Variants in CFAP54 observed in about 807,000 individuals in gnomAD.
CFAP54 encodes the protein cilia- and flagella-associated protein 54.
In CFAP54, 290 loss-of-function variants were observed where a neutral mutation model predicts 370.4. The ratio of observed to expected loss-of-function variants is 0.78; its 90% CI spans 0.71 to 0.86. CFAP54 has a LOEUF of 0.86. Among genes scored for constraint, CFAP54 ranks in the 40% least tolerant of loss-of-function variants. The pLI, the probability that CFAP54 is intolerant of heterozygous loss-of-function variation, is 0.00. For synonymous variants in CFAP54, 1,206 were observed against 1,236.5 expected, an observed-to-expected ratio of 0.98 and a Z score of 0.52; for missense variants, 3,399 against 3,528.7, an observed-to-expected ratio of 0.96 and a Z score of 0.93.
chr12:96,580,504 T>C, intron 20 of CFAP54, 93 bp from the exon 21 acceptor site: 1 of 650,336 alleles, frequency 1.5e-6, no homozygotes, highest in South Asian at 3.3e-5. Context: ...TTTTAAAACC[T>C]GAATCATTAC....
At chr12:96,636,221 C>A (rs1956663174) in intron 32 of CFAP54, among the ~76,000 whole-genome samples, 3 of 152,092 alleles carry the variant, frequency 2.0e-5, no homozygotes, top group South Asian at 2.1e-4. Context: ...GGACAGGTAC[C>A]AAATATGTAT....
chr12:96,719,930 T>G (rs1592724091), intron 49 of CFAP54, among the ~76,000 whole-genome samples: 1 of 152,236 alleles, frequency 6.6e-6, no homozygotes, highest in Non-Finnish European at 1.5e-5. Context: ...CTATTGGCTG[T>G]GAGTTCAAGG....
At chr12:96,597,143 C>T (rs771590477) in intron 25 of CFAP54, among the ~76,000 whole-genome samples, 7 of 151,910 alleles carry the variant, frequency 4.6e-5, no homozygotes, top group Admixed American at 3.3e-4. Flanking sequence ...ATACCTGACA[C>T]GGTAGTCCCT....
intron 50 of CFAP54, among the ~76,000 whole-genome samples, chr12:96,738,832 G>A (rs1213009203): frequency 6.6e-6 from 1 of 152,024 alleles, no homozygotes; most frequent in African/African-American, 2.4e-5. Context: ...GGATGGCCTT[G>A]ATCTTCTGAC....
At chr12:96,821,771 T>A (rs1419327982) in intron 65 of CFAP54, among the ~76,000 whole-genome samples, 2 of 151,858 alleles carry the variant, frequency 1.3e-5, no homozygotes, top group Admixed American at 6.6e-5. Context: ...AATCTGCTAG[T>A]TTGTTGTCAT....
chr12:96,693,042 C>T (rs1380134226), intron 44 of CFAP54, among the ~76,000 whole-genome samples: 1 of 152,164 alleles, frequency 6.6e-6, no homozygotes. Context: ...GTCTATAAGC[C>T]TTCACATATA....
rs1956677182 is a variant in CFAP54 at position 96,637,804 on chromosome 12, A to G, written c.4317-6374A>G. On this transcript the variant is annotated intron_variant, in intron 32 of 67. Coordinates refer to ENST00000524981, the MANE Select transcript of CFAP54 (RefSeq NM_001306084.2). The stretch of plus-strand genomic sequence containing the variant: ...CACGTGTTGCATAACATTTTGATCA[A>G]TGATGGACTGCATGTACAACGGTGG... Among the ~76,000 whole-genome samples, 7 of 152,242 alleles carry G rather than the reference A, an allele frequency of 4.6e-5. No homozygotes were observed. The South Asian group carries it at 1.4e-3, about 31-fold the overall frequency.
At chr12:96,635,883 G>A (rs1303156818) in intron 32 of CFAP54, among the ~76,000 whole-genome samples, 1 of 152,172 alleles carries the variant, frequency 6.6e-6, no homozygotes, top group Non-Finnish European at 1.5e-5. Flanking sequence ...CTGTCCCTGT[G>A]GAGTTGGGAG....
intron 65 of CFAP54, among the ~76,000 whole-genome samples, chr12:96,821,754 T>C (rs1018037037): frequency 1.3e-5 from 2 of 150,974 alleles, no homozygotes; most frequent in East Asian, 1.9e-4. Context: ...ATAAATTCCA[T>C]TGACTAAATC....
intron 40 of CFAP54, 33 bp downstream of exon 40, chr12:96,679,785 C>A: frequency 6.2e-7 from 1 of 1,603,632 alleles, no homozygotes. Flanking sequence ...CTGAATCTTT[C>A]TTTATGTGGG....
chr12:96,556,248 G>A (rs1345482022), intron 17 of CFAP54, among the ~76,000 whole-genome samples: 1 of 151,232 alleles, frequency 6.6e-6, no homozygotes, highest in East Asian at 1.9e-4. Flanking sequence ...AGAAAAAAAT[G>A]AATACATTAA....
chr12:96,736,734 A>G (rs1255379334), intron 50 of CFAP54, among the ~76,000 whole-genome samples: 3 of 152,248 alleles, frequency 2.0e-5, no homozygotes, highest in African/African-American at 7.2e-5. Context: ...ATGCAAGGCA[A>G]AAGGCATTGA....
chr12:96,668,073 A>T (rs972593794), intron 39 of CFAP54, among the ~76,000 whole-genome samples: 1 of 152,162 alleles, frequency 6.6e-6, no homozygotes, highest in African/African-American at 2.4e-5. Context: ...CCATATCACT[A>T]TCAACATTTT....
intron 55 of CFAP54, among the ~76,000 whole-genome samples, chr12:96,748,225 C>G (rs1231265880): frequency 6.6e-6 from 1 of 152,224 alleles, no homozygotes; most frequent in Admixed American, 6.5e-5. Flanking sequence ...AACTCACCAT[C>G]TAGAGATATC....
At chr12:96,844,075 T>C (rs1462128658) in intron 66 of CFAP54, among the ~76,000 whole-genome samples, 1 of 152,224 alleles carries the variant, frequency 6.6e-6, no homozygotes, top group Non-Finnish European at 1.5e-5. Context: ...ACAAATATTA[T>C]ATTTTTATTG....
intron 6 of CFAP54, 142 bp downstream of exon 6, chr12:96,519,213 C>T: frequency 2.6e-6 from 2 of 761,174 alleles, no homozygotes; most frequent in Non-Finnish European, 3.9e-6. Flanking sequence ...ATTCTCCTGC[C>T]TCAGCCTCCT....
intron 65 of CFAP54, among the ~76,000 whole-genome samples, chr12:96,824,042 AG>A: frequency 6.6e-6 from 1 of 152,352 alleles, no homozygotes; most frequent in South Asian, 2.1e-4. Context: ...TCACTCAGAG[AG>A]CCACTGCTCA....
At chr12:96,667,692 G>T (rs1191064797) in intron 39 of CFAP54, among the ~76,000 whole-genome samples, 1 of 152,190 alleles carries the variant, frequency 6.6e-6, no homozygotes, top group Admixed American at 6.5e-5. Context: ...GGGCTGCTGC[G>T]AAGGTCTCTA....
intron 65 of CFAP54, among the ~76,000 whole-genome samples, chr12:96,825,140 T>C (rs1305194479): frequency 1.3e-5 from 2 of 148,952 alleles, no homozygotes; most frequent in Admixed American, 1.4e-4. Context: ...CTCCAGGAAG[T>C]CTTCCATGTT....
Sources: gnomAD v4.1 joint callset for allele counts (sites outside exome capture counted in the v4.1 genomes callset) on GRCh38, gnomAD v4.1.1 for gene constraint, MANE v1.5 for transcripts, NCBI Gene and HGNC (gene_info 2026-07-23, HGNC 2026-07-21) for gene names.